Variants in ANKRD13B observed in about 807,000 individuals in gnomAD.
ANKRD13B encodes the protein ankyrin repeat domain-containing protein 13B.
In ANKRD13B, 33 loss-of-function variants were observed where a neutral mutation model predicts 74.4. The observed-to-expected ratio is 0.44, with a 90% CI of 0.34 to 0.59. ANKRD13B has a LOEUF of 0.59. ANKRD13B is among the 20% of genes least tolerant of loss of function. The pLI, the probability that ANKRD13B is intolerant of heterozygous loss-of-function variation, is 0.02. For missense variants in ANKRD13B, 676 were observed against 877.9 expected (o/e 0.77, Z 2.91); for synonymous variants, 341 against 362.9 (o/e 0.94, Z 0.68).
chr17:29,612,263 A>G lies in ANKRD13B; in HGVS notation c.1248A>G (p.Pro416=), dbSNP rs2150904189. 6.2e-7 allele frequency: 1 copy of G among 1,613,898 alleles called. No homozygotes were observed. Among genetic ancestry groups the G allele is most frequent in the East Asian group, 2.2e-5 (1 of 44,882 alleles). ...CCCTGCGTCTGCCTCCTGGCTTCCC[A>G]GTTAAGATTGGTGAGACCGCACGGC... The part of the protein sequence containing the change: ...FITLRLPPGF[P]VKIEIPIFHI... The change falls in exon 11 of 15, where the codon CCA becomes CCG. Residue 416 remains proline, a synonymous_variant. Coordinates refer to ENST00000394859, the MANE Select transcript of ANKRD13B (RefSeq NM_152345.5). This position sits in a 1 kb window ranked among gnomAD's most constrained non-coding sequence, Gnocchi z 6.1.
chr17:29,613,837 T>G lies in ANKRD13B; in HGVS notation c.*255T>G. 1.9e-6 allele frequency: 1 copy of G among 531,930 alleles called. No individual in the cohort carries two copies. Among genetic ancestry groups the G allele is most frequent in the South Asian group, 3.2e-5 (1 of 31,406 alleles). 33.0% of individuals were successfully genotyped at this position (531,930 alleles called of 1,614,324 possible). Reference sequence around the variant, plus strand: ...GCTGTATTCTGATTCCCCAACCCGCTCCCCTGGGCTCAGATCTGTCCTGTC... The same window carrying G: ...GCTGTATTCTGATTCCCCAACCCGCGCCCCTGGGCTCAGATCTGTCCTGTC... On this transcript the variant is annotated 3_prime_UTR_variant, in exon 15 of 15. Transcript: ENST00000394859.
chr17:29,606,334 G>A (rs1365068494), intron 1 of ANKRD13B, among the ~76,000 whole-genome samples: 7 of 151,980 alleles, frequency 4.6e-5, no homozygotes, highest in East Asian at 2.0e-4. Context: ...CAAGGCAGGC[G>A]AATCACTTGA....
At chr17:29,606,327 G>C (rs2034373944) in intron 1 of ANKRD13B, among the ~76,000 whole-genome samples, 1 of 151,942 alleles carries the variant, frequency 6.6e-6, no homozygotes, top group Admixed American at 6.5e-5. Flanking sequence ...GGGAGGCCAA[G>C]GCAGGCGAAT....
At chr17:29,613,014 C>G (rs1327300325) in intron 14 of ANKRD13B, 51 bp downstream of exon 14, 2 of 1,566,268 alleles carry the variant, frequency 1.3e-6, no homozygotes, top group Admixed American at 3.6e-5. Flanking sequence ...TCCTGTCTCC[C>G]CTAAGCCAGG....
chr17:29,605,162 A>T (rs1312954269), intron 1 of ANKRD13B, among the ~76,000 whole-genome samples: 1 of 152,100 alleles, frequency 6.6e-6, no homozygotes, highest in Non-Finnish European at 1.5e-5. Context: ...GCTCTGCTGC[A>T]ACCTTTAATA....
intron 1 of ANKRD13B, among the ~76,000 whole-genome samples, chr17:29,600,494 A>G (rs1416622813): frequency 1.3e-5 from 2 of 152,040 alleles, no homozygotes; most frequent in Non-Finnish European, 1.5e-5. Context: ...TCAGCACCAT[A>G]CCTCATCCTC....
chr17:29,598,904 C>G (rs1053731862), intron 1 of ANKRD13B, among the ~76,000 whole-genome samples: 1 of 152,238 alleles, frequency 6.6e-6, no homozygotes, highest in African/African-American at 2.4e-5. Context: ...CTTGTGCCCC[C>G]TCAGCCTAGT....
chr17:29,613,193 G>C (rs1290121247), intron 14 of ANKRD13B, 161 bp from the exon 15 acceptor site: 2 of 1,271,586 alleles, frequency 1.6e-6, no homozygotes, highest in Non-Finnish European at 2.1e-6. Flanking sequence ...GTAGGGTCTG[G>C]GCTCCGCCAC....
chr17:29,600,588 A>C (rs886829726), intron 1 of ANKRD13B, among the ~76,000 whole-genome samples: 12 of 152,164 alleles, frequency 7.9e-5, no homozygotes, highest in African/African-American at 1.7e-4. Context: ...GTGGTGAGGA[A>C]GGGGGGCATC....
chr17:29,614,234 CA>C lies in ANKRD13B; in HGVS notation c.*653del, dbSNP rs1443651732. The C allele has an allele frequency of 1.4e-5, 2 of 144,300 alleles. No homozygotes were observed. Among genetic ancestry groups the C allele is most frequent in the Admixed American group, 6.9e-5 (1 of 14,574 alleles). The allele number at this position is 144,300 out of a possible 1,614,324, so 8.9% of individuals were successfully genotyped here. On this transcript the variant is annotated 3_prime_UTR_variant, in exon 15 of 15. Transcript: ENST00000394859. ...AGTTGGAGTCCCATCCCCCAAGGCACATTTTTTTTTTTTTTTTTTTGTGATC... is the reference window on the plus strand; with the variant it reads ...AGTTGGAGTCCCATCCCCCAAGGCACTTTTTTTTTTTTTTTTTTTGTGATC...
At chr17:29,593,856 G>T in intron 1 of ANKRD13B, 121 bp downstream of exon 1, 1 of 427,594 alleles carries the variant, frequency 2.3e-6, no homozygotes, top group Non-Finnish European at 3.6e-6. Context: ...GTCTTTGTTT[G>T]CGGCCGCGGC....
Position 29,611,253 on chromosome 17 carries a change from C to T in ANKRD13B, c.905-326C>T, listed in dbSNP as rs551855031. ...TGGAAGTGCCTGAAGCAAACACACA[C>T]ACGCACATGCACACCCCACAGTGCC... On this transcript the variant is annotated intron_variant, in intron 8 of 14. Transcript: ENST00000394859. This position sits in a 1 kb window ranked among gnomAD's most constrained non-coding sequence, Gnocchi z 4.3. Among the ~76,000 whole-genome samples, 1 of 152,372 alleles carries T rather than the reference C, an allele frequency of 6.6e-6. No homozygotes were observed. Among genetic ancestry groups the T allele is most frequent in the African/African-American group, 2.4e-5 (1 of 41,580 alleles).
rs758052836 is a variant in ANKRD13B, at chr17:29,609,135, C to T, written c.615C>T (p.Tyr205=). ...TTGACCACGACCGCCGGGTGGTGTACACAGAGACTCTGGCACTGGCTGGGC... is the reference window on the plus strand; with the variant it reads ...TTGACCACGACCGCCGGGTGGTGTATACAGAGACTCTGGCACTGGCTGGGC... ...MEIDHDRRVV[Y]TETLALAGQD... is the part of the protein sequence containing the mutation. Residue 205 remains tyrosine (Y), a synonymous_variant, in exon 6 of 15, where the codon TAC becomes TAT. Transcript: ENST00000394859. This position sits in a 1 kb window ranked among gnomAD's most constrained non-coding sequence, Gnocchi z 4.0. 1.4e-5 allele frequency: 22 copies of T among 1,612,182 alleles called. No homozygotes were observed. In the Admixed American group the frequency reaches 2.2e-4, roughly 16 times the overall value.
Position 29,613,883 on chromosome 17 carries a change from C to A in ANKRD13B, c.*301C>A, listed in dbSNP as rs1278781410. 3 of 388,464 alleles carry A rather than the reference C, an allele frequency of 7.7e-6. No homozygotes were observed. The highest frequency in any genetic ancestry group is 1.4e-5 in the Non-Finnish European group (3 of 218,736). 24.1% of individuals were successfully genotyped at this position (388,464 alleles called of 1,614,324 possible). On this transcript the variant is annotated 3_prime_UTR_variant, in exon 15 of 15. Coordinates refer to ENST00000394859, the MANE Select transcript of ANKRD13B (RefSeq NM_152345.5). Reference sequence around the variant, plus strand: ...CTGTCCTAGGGCGGAGCCAGGCGGTCCTGAGGGGGAGATGAATCCTTAGAG... The same window carrying A: ...CTGTCCTAGGGCGGAGCCAGGCGGTACTGAGGGGGAGATGAATCCTTAGAG...
intron 1 of ANKRD13B, among the ~76,000 whole-genome samples, chr17:29,601,273 G>A (rs1485163469): frequency 6.7e-6 from 1 of 149,316 alleles, no homozygotes; most frequent in Non-Finnish European, 1.5e-5. Flanking sequence ...CCAGGCTGGA[G>A]TGCAGTGGTG....
At position 29,609,504 on chromosome 17, in the gene ANKRD13B, C is replaced by T. The variant is rs944076670; in HGVS notation, c.822+83C>T. 5 of 1,515,324 alleles carry T rather than the reference C, an allele frequency of 3.3e-6. No homozygotes were observed. In the East Asian group the frequency reaches 9.4e-5, roughly 29 times the overall value. The allele number at this position is 1,515,324 out of a possible 1,614,324, so 93.9% of individuals were successfully genotyped here. On this transcript the variant is annotated intron_variant, in intron 7 of 14. Transcript: ENST00000394859. The surrounding 1 kb of genome is among the most constrained non-coding windows in gnomAD (Gnocchi z 4.0). ...ACAGGGGATTCTGACCTCCCTTCCC[C>T]AGCCCTGGAGGTACAGAAGCAATGC...
chr17:29,594,568 G>A (rs1033002514), intron 1 of ANKRD13B, among the ~76,000 whole-genome samples: 1 of 152,214 alleles, frequency 6.6e-6, no homozygotes, highest in Non-Finnish European at 1.5e-5. Context: ...CAGAACAAAG[G>A]CAGGCACAGG....
Position 29,611,625 on chromosome 17 carries a change from C to T in ANKRD13B, c.951C>T (p.His317=), listed in dbSNP as rs201124075. The T allele has an allele frequency of 6.0e-5, 97 of 1,614,118 alleles. No individual in the cohort carries two copies. The highest frequency in any genetic ancestry group is 2.2e-4 in the East Asian group (10 of 44,876). The change falls in exon 9 of 15, where the codon CAC becomes CAT. Residue 317 remains histidine, a synonymous_variant. Transcript: ENST00000394859. This position sits in a 1 kb window ranked among gnomAD's most constrained non-coding sequence, Gnocchi z 4.3. ...LQSFLGIAEQ[H]GGPQNGTLIT... is the part of the protein sequence containing the mutation. ...CCTTCCTGGGAATCGCTGAGCAGCA[C>T]GGGGGCCCCCAAAATGGGGTGAGTG...
chr17:29,610,612 C>G (rs1202514429), intron 7 of ANKRD13B, 73 bp from the exon 8 acceptor site: 1 of 1,423,298 alleles, frequency 7.0e-7, no homozygotes, highest in Non-Finnish European at 9.7e-7. Flanking sequence ...AGGGAGTGTT[C>G]CCAGTGCCCT....
Sources: gnomAD v4.1 joint callset for allele counts (sites outside exome capture counted in the v4.1 genomes callset) on GRCh38, gnomAD v4.1.1 for gene constraint, Gnocchi (gnomAD v3.1) non-coding constraint, MANE v1.5 for transcripts, NCBI Gene and HGNC (gene_info 2026-07-23, HGNC 2026-07-21) for gene names.